OPRD1: variants seen among roughly 807,000 people sequenced by gnomAD.
OPRD1 encodes the protein delta-type opioid receptor.
A neutral mutation model predicts 17.5 loss-of-function variants in OPRD1; 19 were observed. The observed-to-expected ratio is 1.09, with a 90% confidence interval of 0.76 to 1.60. The LOEUF (loss-of-function observed/expected upper bound fraction) is 1.60. Ranked by LOEUF, OPRD1 falls within the 40% of genes most tolerant of loss-of-function variation. The pLI, the probability that OPRD1 is intolerant of heterozygous loss-of-function variation, is 0.00. For synonymous variants in OPRD1, 256 were observed against 240.9 expected (o/e 1.06, Z -0.58); for missense variants, 483 against 547.2 (o/e 0.88, Z 1.17).
intron 1 of OPRD1, among the ~76,000 whole-genome samples, chr1:28,833,807 C>T (rs893373767): frequency 2.6e-5 from 4 of 152,156 alleles, no homozygotes; most frequent in East Asian, 1.9e-4. Flanking sequence ...TACCAAATGC[C>T]GTGGTAGTGC....
intron 1 of OPRD1, among the ~76,000 whole-genome samples, chr1:28,826,489 C>G (rs1156426561): frequency 6.6e-6 from 1 of 151,516 alleles, no homozygotes; most frequent in Non-Finnish European, 1.5e-5. Context: ...GCAGTGCAGC[C>G]TGGGTGAGAG....
In OPRD1 at chr1:28,812,373, G is replaced by A. The variant is rs765579312; in HGVS notation, c.-11G>A. 2.2e-6 allele frequency: 3 copies of A among 1,374,734 alleles called. No homozygotes were observed. The highest frequency in any genetic ancestry group is 1.7e-5 in the South Asian group (1 of 60,208). The allele number at this position is 1,374,734 out of a possible 1,614,324, so 85.2% of individuals were successfully genotyped here. A position where few individuals can be genotyped will look rare whatever the true frequency, so the allele number is the denominator to read the frequency against. On this transcript the variant is annotated 5_prime_UTR_variant, in exon 1 of 3. Coordinates refer to ENST00000234961, the MANE Select transcript of OPRD1 (RefSeq NM_000911.4). The stretch of plus-strand genomic sequence containing the variant: ...CGGTGGAGAGGGACGCGGCGGAGCC[G>A]GCCGGCAGCCATGGAACCGGCCCCC...
rs2089194272 is a variant in OPRD1 at position 28,868,642 on chromosome 1, C to G, written c.*5359C>G. The G allele has an allele frequency of 6.6e-6, 1 of 152,176 alleles. No individual in the cohort carries two copies. Among genetic ancestry groups the G allele is most frequent in the South Asian group, 2.1e-4 (1 of 4,834 alleles). 9.4% of individuals were successfully genotyped at this position (152,176 alleles called of 1,614,324 possible). A position where few individuals can be genotyped will look rare whatever the true frequency, so the allele number is the denominator to read the frequency against. On this transcript the variant is annotated 3_prime_UTR_variant, in exon 3 of 3. Coordinates refer to ENST00000234961, the MANE Select transcript of OPRD1 (RefSeq NM_000911.4). ...GGATCATGAGGTCAGGAGTTCAACA[C>G]CAGCCTGACCAACATGGTGAAACCC...
Position 28,870,387 on chromosome 1 carries a change from G to A in OPRD1, c.*7104G>A, listed in dbSNP as rs1379857727. ...CTGCCTCAGCCTGCTGAGTAGCTGG[G>A]ATTACAGGCACGTGCCCGGCTAATT... On this transcript the variant is annotated 3_prime_UTR_variant, in exon 3 of 3. Transcript: ENST00000234961. 6.6e-6 allele frequency: 1 copy of A among 151,938 alleles called. No homozygotes were observed. 9.4% of individuals were successfully genotyped at this position (151,938 alleles called of 1,614,324 possible). A position where few individuals can be genotyped will look rare whatever the true frequency, so the allele number is the denominator to read the frequency against.
chr1:28,868,838 T>TG lies in OPRD1; in HGVS notation c.*5556dup, dbSNP rs2089195374. 1 of 143,734 alleles carries TG rather than the reference T, an allele frequency of 7.0e-6. No individual in the cohort carries two copies. The highest frequency in any genetic ancestry group is 1.5e-5 in the Non-Finnish European group (1 of 67,028). 8.9% of individuals were successfully genotyped at this position (143,734 alleles called of 1,614,324 possible). ...CTGGGCGACAGAGCGAGACTCTGTC[T>TG]GAAAAAAAAAAAAAATTAAAAAGAA... On this transcript the variant is annotated 3_prime_UTR_variant, in exon 3 of 3. Coordinates refer to ENST00000234961, the MANE Select transcript of OPRD1 (RefSeq NM_000911.4).
intron 1 of OPRD1, among the ~76,000 whole-genome samples, chr1:28,858,404 G>T (rs910429901): frequency 6.6e-6 from 1 of 151,146 alleles, no homozygotes; most frequent in Non-Finnish European, 1.5e-5. Flanking sequence ...GTGAGCCACC[G>T]CGCCCGGCCA....
At chr1:28,834,000 C>A (rs1569621513) in intron 1 of OPRD1, among the ~76,000 whole-genome samples, 1 of 151,710 alleles carries the variant, frequency 6.6e-6, no homozygotes, top group African/African-American at 2.4e-5. Flanking sequence ...CAACCTCTGC[C>A]TCCTGGGTTC....
intron 2 of OPRD1, among the ~76,000 whole-genome samples, chr1:28,860,081 T>C (rs992247372): frequency 3.3e-5 from 5 of 152,098 alleles, no homozygotes; most frequent in African/African-American, 9.7e-5. Context: ...ACTTTAAATG[T>C]TGGTTGGGTG....
intron 1 of OPRD1, among the ~76,000 whole-genome samples, chr1:28,834,381 CTTTT>C (rs11306242): frequency 1.4e-4 from 17 of 121,790 alleles, no homozygotes; most frequent in African/African-American, 1.8e-4. Context: ...TTCTTTTTTT[CTTTT>C]TTTTTTTTTT....
At chr1:28,857,657 A>G (rs187319303) in intron 1 of OPRD1, among the ~76,000 whole-genome samples, 80 of 151,574 alleles carry the variant, frequency 5.3e-4, no homozygotes, top group African/African-American at 1.8e-3. Flanking sequence ...TATTATTATT[A>G]TTGTTATTTG....
chr1:28,832,541 C>T (rs948658260), intron 1 of OPRD1, among the ~76,000 whole-genome samples: 1 of 151,922 alleles, frequency 6.6e-6, no homozygotes, highest in African/African-American at 2.4e-5. Flanking sequence ...TGTTTGAGCC[C>T]GGGAGCTGGC....
At chr1:28,846,892 TTTCTCTTTCTTTCTTTTTC>T (rs769770407) in intron 1 of OPRD1, among the ~76,000 whole-genome samples, 1,079 of 52,080 alleles carry the variant, frequency 0.021, 14 homozygotes, top group Non-Finnish European at 0.04. Context: ...CTTTCTTTCT[TTTCTCTTTCTTTCTTTTTC>T]TTTCTTTCTT....
chr1:28,845,203 G>A (rs1012551920), intron 1 of OPRD1, among the ~76,000 whole-genome samples: 1 of 151,978 alleles, frequency 6.6e-6, no homozygotes, highest in African/African-American at 2.4e-5. Flanking sequence ...ATTAGCTGGG[G>A]CCAGGCACGG....
intron 1 of OPRD1, among the ~76,000 whole-genome samples, chr1:28,857,965 G>A (rs2089072159): frequency 6.7e-6 from 1 of 150,370 alleles, no homozygotes; most frequent in Non-Finnish European, 1.5e-5. Context: ...GCTAATTTTT[G>A]TATTTTTTGT....
At chr1:28,848,972 C>T (rs1471609058) in intron 1 of OPRD1, among the ~76,000 whole-genome samples, 1 of 152,126 alleles carries the variant, frequency 6.6e-6, no homozygotes, top group East Asian at 1.9e-4. Flanking sequence ...ATCTTTGTAT[C>T]CTGCACAACC....
chr1:28,830,459 G>A (rs1021411324), intron 1 of OPRD1, among the ~76,000 whole-genome samples: 3 of 152,150 alleles, frequency 2.0e-5, no homozygotes, highest in African/African-American at 7.2e-5. Flanking sequence ...GGGAGGTCGA[G>A]GCTGCAGTGG....
chr1:28,850,029 G>A (rs2088986546), intron 1 of OPRD1, among the ~76,000 whole-genome samples: 1 of 151,692 alleles, frequency 6.6e-6, no homozygotes, highest in Admixed American at 6.6e-5. Flanking sequence ...ACAGGTGCCC[G>A]CCACTACGTC....
rs750038268 is a variant in OPRD1 at position 28,859,171 on chromosome 1, G to A, written c.445G>A (p.Ala149Thr). The change falls in exon 2 of 3, where the codon GCT becomes ACT. Residue 149 changes from alanine to threonine, a missense_variant. Transcript: ENST00000234961. ...CATGATGAGTGTTGACCGCTACATC[G>A]CTGTCTGCCACCCTGTCAAGGCCCT... ...LTMMSVDRYIAVCHPVKALDF... is the reference protein window; with the variant it reads ...LTMMSVDRYITVCHPVKALDF... 20 of 1,614,082 alleles carry A rather than the reference G, an allele frequency of 1.2e-5. No homozygotes were observed. The highest frequency in any genetic ancestry group is 1.7e-5 in the Admixed American group (1 of 60,006).
At position 28,830,140 on chromosome 1, in the gene OPRD1, C is replaced by T. The variant is rs1247794221; in HGVS notation, c.227+17530C>T. 3.3e-5 allele frequency among the ~76,000 whole-genome samples: 5 copies of T among 152,150 alleles called. No homozygotes were observed. In the East Asian group the frequency reaches 7.7e-4, roughly 23 times the overall value. On this transcript the variant is annotated intron_variant, in intron 1 of 2. Transcript: ENST00000234961. ...ATGGGGCAATGGCCAGTCAGTGGAG[C>T]GGTCAGAACATACACATTTATCAAT... is the stretch of plus-strand genomic sequence containing the variant.
Sources: gnomAD v4.1 joint callset for allele counts (sites outside exome capture counted in the v4.1 genomes callset) on GRCh38, gnomAD v4.1.1 for gene constraint, MANE v1.5 for transcripts, NCBI Gene and HGNC (gene_info 2026-07-23, HGNC 2026-07-21) for gene names.